AMMECR1: variants seen among roughly 807,000 people sequenced by gnomAD.
The protein encoded by AMMECR1 is AMMECR nuclear protein 1.
AMMECR1 carries 3 observed loss-of-function variants against 22.5 expected under a neutral mutation model. The ratio of observed to expected loss-of-function variants is 0.13; its 90% confidence interval spans 0.06 to 0.35. The LOEUF (loss-of-function observed/expected upper bound fraction) is 0.35. Among genes scored for constraint, AMMECR1 ranks in the 10% least tolerant of loss-of-function variants. The pLI is 1.00. For synonymous variants in AMMECR1, 130 were observed against 116.7 expected (o/e 1.11, Z -0.74); for missense variants, 235 against 278.7 (o/e 0.84, Z 1.12).
intron 1 of AMMECR1, among the ~76,000 whole-genome samples, chrX:110,436,131 G>C (rs1308663869): frequency 8.9e-6 from 1 of 112,523 alleles, no homozygotes; most frequent in African/African-American, 3.2e-5. Context: ...CGCTGATTTA[G>C]GTCTGGAGTT....
upstream of AMMECR1, among the ~76,000 whole-genome samples, chrX:110,320,076 G>A (rs2068073108): frequency 8.9e-6 from 1 of 111,967 alleles, no homozygotes; most frequent in African/African-American, 3.2e-5. Context: ...TTAATTGGTC[G>A]GTGATATGTA....
chrX:110,294,290 C>T (rs2067923640), intron 1 of AMMECR1, among the ~76,000 whole-genome samples: 1 of 111,790 alleles, frequency 8.9e-6, no homozygotes, highest in Non-Finnish European at 1.9e-5. Context: ...GCACTGTGTC[C>T]TTTCTCCCTT....
At chrX:110,223,294 A>C (rs963467260) in intron 2 of AMMECR1, among the ~76,000 whole-genome samples, 1 of 112,632 alleles carries the variant, frequency 8.9e-6, no homozygotes, top group Non-Finnish European at 1.9e-5. Context: ...AACTACTAGA[A>C]ACTATTTTTG....
At chrX:110,302,853 G>A (rs754387114) in intron 1 of AMMECR1, among the ~76,000 whole-genome samples, 114 of 110,109 alleles carry the variant, frequency 1.0e-3, no homozygotes, top group African/African-American at 3.6e-3. Context: ...CAGTCTAGGC[G>A]ACAGAGCAAG....
chrX:110,329,614 A>C (rs1432233844), intron 2 of AMMECR1, among the ~76,000 whole-genome samples: 1 of 111,890 alleles, frequency 8.9e-6, no homozygotes, highest in East Asian at 2.8e-4. Flanking sequence ...TTTTCCCTAT[A>C]TTAATGGTAT....
intron 1 of AMMECR1, among the ~76,000 whole-genome samples, chrX:110,274,612 C>T (rs2067816426): frequency 9.0e-6 from 1 of 111,710 alleles, no homozygotes; most frequent in Admixed American, 9.5e-5. Flanking sequence ...TTTAACATAC[C>T]TGTGTCTTTA....
intron 2 of AMMECR1, among the ~76,000 whole-genome samples, chrX:110,349,169 G>A: frequency 8.9e-6 from 1 of 112,223 alleles, no homozygotes; most frequent in Non-Finnish European, 1.9e-5. Flanking sequence ...AGTAGGTTCT[G>A]TACCCGATTA....
intron 1 of AMMECR1, among the ~76,000 whole-genome samples, chrX:110,290,901 T>C (rs2067904640): frequency 8.9e-6 from 1 of 112,022 alleles, no homozygotes; most frequent in Non-Finnish European, 1.9e-5. Flanking sequence ...TATGAGTTGG[T>C]TGACTTAATA....
chrX:110,297,709 G>T (rs1040910523), intron 1 of AMMECR1, among the ~76,000 whole-genome samples: 2 of 111,460 alleles, frequency 1.8e-5, no homozygotes, highest in Non-Finnish European at 3.8e-5. Flanking sequence ...TGCTTTTATA[G>T]GGGAGTAGAT....
At chrX:110,231,936 T>C (rs949856397) in intron 2 of AMMECR1, among the ~76,000 whole-genome samples, 4 of 110,928 alleles carry the variant, frequency 3.6e-5, no homozygotes, top group Non-Finnish European at 7.6e-5. Context: ...TACATAATGG[T>C]AAAGGGATCA....
chrX:110,433,683 A>G (rs759686434), intron 1 of AMMECR1, among the ~76,000 whole-genome samples: 1 of 111,947 alleles, frequency 8.9e-6, no homozygotes, highest in African/African-American at 3.3e-5. Context: ...TCAATCATGA[A>G]AAGAGCTTAG....
chrX:110,323,478 C>A (rs1481210841), intron 2 of AMMECR1, among the ~76,000 whole-genome samples: 1 of 112,040 alleles, frequency 8.9e-6, no homozygotes, highest in Non-Finnish European at 1.9e-5. Flanking sequence ...CTATTCTGAG[C>A]ATTTCATATA....
upstream of AMMECR1, chrX:110,318,119 G>T (rs759242675): frequency 1.2e-5 from 13 of 1,061,273 alleles, no homozygotes; most frequent in Non-Finnish European, 1.2e-5. Flanking sequence ...TAAGTGAGGC[G>T]AGCTGGCGGC....
chrX:110,255,336 A>G (rs2067705383), intron 2 of AMMECR1, among the ~76,000 whole-genome samples: 1 of 111,722 alleles, frequency 9.0e-6, no homozygotes, highest in Non-Finnish European at 1.9e-5. Flanking sequence ...GATTGAACCC[A>G]TGATCTCATT....
intron 2 of AMMECR1, among the ~76,000 whole-genome samples, chrX:110,385,311 A>G (rs1176077065): frequency 8.9e-6 from 1 of 112,007 alleles, no homozygotes; most frequent in Non-Finnish European, 1.9e-5. Context: ...CTATATAAAT[A>G]TTAGCTTTTA....
chrX:110,221,588 TG>T (rs1304595763), intron 2 of AMMECR1, among the ~76,000 whole-genome samples: 1 of 111,616 alleles, frequency 9.0e-6, no homozygotes, highest in Non-Finnish European at 1.9e-5. Context: ...AACTGGGAGA[TG>T]TTTTTCCTTT....
At chrX:110,243,633 C>T (rs889347055) in intron 2 of AMMECR1, among the ~76,000 whole-genome samples, 3 of 111,586 alleles carry the variant, frequency 2.7e-5, no homozygotes, top group African/African-American at 6.5e-5. Flanking sequence ...CCATAACAAC[C>T]GCCCAATGTT....
In AMMECR1 at chrX:110,379,572, TG is replaced by T. The variant is rs750927772; in HGVS notation, c.-148+47085del. Among the ~76,000 whole-genome samples, 4 of 112,231 alleles carry T rather than the reference TG, an allele frequency of 3.6e-5. No homozygotes were observed. The South Asian group carries it at 1.5e-3, about 42-fold the overall frequency. On this transcript the variant is annotated intron_variant, in intron 2 of 7. Coordinates refer to the AMMECR1 transcript ENST00000372057. ...ATTTTACGTATTTTAAAAACAAGTC[TG>T]GTTTTTTCAACTCATTCTGAAATGT...
intron 2 of AMMECR1, among the ~76,000 whole-genome samples, chrX:110,264,080 TAAAAGTGTAAC>T (rs1275754070): frequency 1.8e-5 from 2 of 111,616 alleles, no homozygotes; most frequent in Non-Finnish European, 3.8e-5. Context: ...CAAAAGTCCT[TAAAAGTGTAAC>T]AAAATGTGTA....
Sources: gnomAD v4.1 joint callset for allele counts (sites outside exome capture counted in the v4.1 genomes callset) on GRCh38, gnomAD v4.1.1 for gene constraint, MANE v1.5 for transcripts, NCBI Gene and HGNC (gene_info 2026-07-23, HGNC 2026-07-21) for gene names.